RIN2: variants seen among roughly 807,000 people sequenced by gnomAD.
RIN2 encodes Ras and Rab interactor 2, also known as RAB5 interacting protein 2.
RIN2 carries 36 observed loss-of-function variants against 78.0 expected under a neutral mutation model. The ratio of observed to expected loss-of-function variants is 0.46; its 90% confidence interval spans 0.35 to 0.61. The LOEUF is 0.61. Among genes scored for constraint, RIN2 ranks in the 20% least tolerant of loss-of-function variants. RIN2 has a pLI of 0.00. For synonymous variants in RIN2, 466 were observed against 466.8 expected, an observed-to-expected ratio of 1.00 and a Z score of 0.02; for missense variants, 1,087 against 1,159.7, an observed-to-expected ratio of 0.94 and a Z score of 0.91.
At chr20:19,995,261 T>TA (rs74180976) in intron 11 of RIN2, among the ~76,000 whole-genome samples, 2,946 of 122,502 alleles carry the variant, frequency 0.024, 61 homozygotes, top group East Asian at 0.074. Context: ...GTTTTTTTTT[T>TA]AAAAAAAAAA....
intron 4 of RIN2, among the ~76,000 whole-genome samples, chr20:19,949,632 G>A (rs537763436): frequency 1.3e-5 from 2 of 152,260 alleles, no homozygotes; most frequent in South Asian, 4.1e-4. Flanking sequence ...TTGCCTTATT[G>A]TCTCTCATTT....
At chr20:19,954,504 G>A (rs2041452494) in intron 4 of RIN2, among the ~76,000 whole-genome samples, 1 of 152,132 alleles carries the variant, frequency 6.6e-6, no homozygotes, top group African/African-American at 2.4e-5. Flanking sequence ...TGCCTTGGAT[G>A]GAAATGTCAG....
At chr20:19,884,546 T>C (rs2038121769) in intron 2 of RIN2, among the ~76,000 whole-genome samples, 1 of 152,254 alleles carries the variant, frequency 6.6e-6, no homozygotes, top group South Asian at 2.1e-4. Context: ...TGGAAAGTTT[T>C]CATGACCTTC....
chr20:19,789,697 C>T (rs147311203), intron 1 of RIN2, among the ~76,000 whole-genome samples: 2 of 152,352 alleles, frequency 1.3e-5, no homozygotes, highest in Non-Finnish European at 2.9e-5. Context: ...GGACATCCAA[C>T]TATTGCCTGG....
At chr20:19,861,310 A>G (rs1280123622) in intron 2 of RIN2, among the ~76,000 whole-genome samples, 1 of 152,120 alleles carries the variant, frequency 6.6e-6, no homozygotes, top group Non-Finnish European at 1.5e-5. Flanking sequence ...GCTGCACTCT[A>G]CTGTCATTGT....
At chr20:19,798,111 G>A (rs868791083) in intron 1 of RIN2, among the ~76,000 whole-genome samples, 6 of 152,002 alleles carry the variant, frequency 3.9e-5, no homozygotes, top group African/African-American at 7.2e-5. Flanking sequence ...TTGGCCTCCC[G>A]AAGTGCTGGG....
At chr20:19,897,716 C>CTTTTTTTT (rs954169682) in intron 3 of RIN2, among the ~76,000 whole-genome samples, 1 of 144,042 alleles carries the variant, frequency 6.9e-6, no homozygotes. Context: ...CTGTTGGCTT[C>CTTTTTTTT]TTTTTTTTTT....
chr20:19,826,607 G>A (rs1219646541), intron 2 of RIN2, among the ~76,000 whole-genome samples: 1 of 152,156 alleles, frequency 6.6e-6, no homozygotes, highest in Non-Finnish European at 1.5e-5. Context: ...ATGAATGACT[G>A]GTGTTTAGGA....
intron 3 of RIN2, among the ~76,000 whole-genome samples, chr20:19,917,252 T>C (rs1263882400): frequency 6.6e-6 from 1 of 152,128 alleles, no homozygotes; most frequent in Non-Finnish European, 1.5e-5. Context: ...TTATTTCCTT[T>C]GTTTTACCAA....
intron 3 of RIN2, among the ~76,000 whole-genome samples, chr20:19,927,496 CCT>C (rs2040270533): frequency 6.6e-6 from 1 of 151,974 alleles, no homozygotes; most frequent in Admixed American, 6.6e-5. Context: ...CTCACTGCAA[CCT>C]CTGTCTCCCA....
chr20:19,838,820 G>A (rs1394499758), intron 2 of RIN2, among the ~76,000 whole-genome samples: 1 of 152,024 alleles, frequency 6.6e-6, no homozygotes, highest in Admixed American at 6.6e-5. Flanking sequence ...AGTAACTCTG[G>A]GTGCAGGGCT....
chr20:19,913,438 A>G (rs1228703500), intron 3 of RIN2, among the ~76,000 whole-genome samples: 5 of 152,208 alleles, frequency 3.3e-5, no homozygotes, highest in Non-Finnish European at 7.3e-5. Flanking sequence ...ATGAGCCACC[A>G]TGCCCAGTCA....
At chr20:19,904,699 G>A (rs2039141702) in intron 3 of RIN2, among the ~76,000 whole-genome samples, 1 of 152,196 alleles carries the variant, frequency 6.6e-6, no homozygotes, top group Admixed American at 6.5e-5. Context: ...GGTGAACACT[G>A]GGATTCCATT....
intron 2 of RIN2, among the ~76,000 whole-genome samples, chr20:19,864,119 A>G (rs903841632): frequency 6.6e-6 from 1 of 151,882 alleles, no homozygotes; most frequent in Non-Finnish European, 1.5e-5. Flanking sequence ...TAATGGAGGG[A>G]TCAATTAGAA....
intron 4 of RIN2, among the ~76,000 whole-genome samples, chr20:19,949,709 G>C (rs540855162): frequency 6.6e-6 from 1 of 152,188 alleles, no homozygotes; most frequent in South Asian, 2.1e-4. Flanking sequence ...GGTGATGTAG[G>C]GGGAGGTGCA....
chr20:19,955,707 T>A (rs1217780731), intron 4 of RIN2, among the ~76,000 whole-genome samples: 1 of 152,212 alleles, frequency 6.6e-6, no homozygotes, highest in Admixed American at 6.5e-5. Flanking sequence ...TTATGAGTAA[T>A]GTCGACATGA....
Position 19,975,256 on chromosome 20 carries a change from GC to G in RIN2, c.1235del (p.Pro412ArgfsTer18). On this transcript the variant is annotated frameshift_variant, in exon 9 of 13. Coordinates refer to ENST00000255006, the MANE Select transcript of RIN2 (RefSeq NM_018993.4). LOFTEE classifies it high-confidence loss of function. The surrounding 1 kb of genome is among the most constrained non-coding windows in gnomAD (Gnocchi z 4.9). ...PEAAPGDCTR[A>X]PPPSSESRPP... ...GGCCGCCCCGGGGGATTGCACAAGG[GC>G]CCCGCCGCCCAGCTCTGAATCACGG... The G allele has an allele frequency of 6.3e-7, 1 of 1,582,598 alleles. No homozygotes were observed. Among genetic ancestry groups the G allele is most frequent in the African/African-American group, 1.3e-5 (1 of 74,492 alleles).
chr20:19,922,216 A>G (rs1439071976), intron 3 of RIN2, among the ~76,000 whole-genome samples: 2 of 152,162 alleles, frequency 1.3e-5, no homozygotes, highest in African/African-American at 4.8e-5. Context: ...CACCTCAATT[A>G]TCCCAATCAG....
rs560636533 is a variant in RIN2 at position 19,975,256 on chromosome 20, G to A, written c.1231G>A (p.Ala411Thr). The A allele has an allele frequency of 3.8e-6, 6 of 1,582,482 alleles. No homozygotes were observed. The South Asian group carries it at 5.7e-5, about 15-fold the overall frequency. ...PEAAPGDCTR[A>T]PPPSSESRPP... Reference sequence around the variant, plus strand: ...GGCCGCCCCGGGGGATTGCACAAGGGCCCCGCCGCCCAGCTCTGAATCACG... The same window carrying A: ...GGCCGCCCCGGGGGATTGCACAAGGACCCCGCCGCCCAGCTCTGAATCACG... Residue 411 changes from alanine to threonine, a missense_variant, in exon 9 of 13, where the codon GCC becomes ACC. Around this residue, in one of 8 missense-constraint regions of RIN2, gnomAD observed 706 missense variants for 667.5 expected, o/e 1.06. Transcript: ENST00000255006. The surrounding 1 kb of genome is among the most constrained non-coding windows in gnomAD (Gnocchi z 4.9).
Sources: allele counts gnomAD v4.1 joint callset (sites outside exome capture counted in the v4.1 genomes callset), GRCh38; gene constraint gnomAD v4.1.1; regional missense constraint gnomAD v4.1.1; non-coding constraint Gnocchi (gnomAD v3.1); transcripts MANE v1.5; gene names NCBI Gene and HGNC (gene_info 2026-07-23, HGNC 2026-07-21).